The following ERBB4 variants were observed in gnomAD, a reference collection of about 807,000 sequenced individuals.
The protein encoded by ERBB4 is receptor tyrosine-protein kinase erbB-4.
ERBB4 carries 42 observed loss-of-function variants against 158.0 expected under a neutral mutation model. That is an observed-to-expected ratio of 0.27 (90% CI 0.21 to 0.34). The LOEUF is 0.34. ERBB4 is among the 10% of genes least tolerant of loss of function. ERBB4 has a pLI of 1.00. For synonymous variants in ERBB4, 583 were observed against 558.7 expected (o/e 1.04, Z -0.61); for missense variants, 1,333 against 1,624.1 (o/e 0.82, Z 3.08).
chr2:211,778,108 A>C (rs73985873), intron 4 of ERBB4, among the ~76,000 whole-genome samples: 3,978 of 152,294 alleles, frequency 0.026, 195 homozygotes, highest in African/African-American at 0.092. Flanking sequence ...GGAAAAAGGC[A>C]GGAGAAGCCA....
At chr2:212,481,182 A>G (rs189427227) in intron 1 of ERBB4, among the ~76,000 whole-genome samples, 1 of 151,988 alleles carries the variant, frequency 6.6e-6, no homozygotes, top group Non-Finnish European at 1.5e-5. Flanking sequence ...AACAAATTAT[A>G]TCATATATGT....
At chr2:211,390,804 T>C (rs1208102901) in intron 25 of ERBB4, among the ~76,000 whole-genome samples, 2 of 152,204 alleles carry the variant, frequency 1.3e-5, no homozygotes, top group Non-Finnish European at 2.9e-5. Context: ...AATAGGAGCA[T>C]CTTCATGAAT....
rs192815552 is a variant in ERBB4, at chr2:211,885,540, C to G, written c.421+61890G>C. ...GCATGATCTCGGCTCACTGCAACCT[C>G]AATCTCCTGGGTTCAAGCAATTCTC... is the stretch of plus-strand genomic sequence containing the variant. On this transcript the variant is annotated intron_variant, in intron 3 of 27. Coordinates refer to ENST00000342788, the MANE Select transcript of ERBB4 (RefSeq NM_005235.3). Among the ~76,000 whole-genome samples, 278 of 152,110 alleles carry G rather than the reference C, an allele frequency of 1.8e-3. 1 individual carries two copies. Among genetic ancestry groups the G allele is most frequent in the African/African-American group, 6.4e-3 (267 of 41,494 alleles).
intron 1 of ERBB4, among the ~76,000 whole-genome samples, chr2:212,152,150 TTATAAAACATAGTTAAGAGTTCTGGCTC>T (rs763356795): frequency 5.5e-4 from 83 of 152,288 alleles, no homozygotes; most frequent in South Asian, 1.7e-3. Flanking sequence ...TTCTCAGTTT[TTATAAAACATAGTTAAGAGTTCTGGCTC>T]TAGAATCAGA....
In ERBB4 at chr2:212,101,335, C is replaced by T. The variant is rs369063727; in HGVS notation, c.234+23417G>A. 7.1e-4 allele frequency among the ~76,000 whole-genome samples: 47 copies of T among 66,430 alleles called. No individual in the cohort carries two copies. In the East Asian group the frequency reaches 7.9e-3, roughly 11 times the overall value. 43.6% of individuals were successfully genotyped at this position (66,430 alleles called of 152,430 possible). On this transcript the variant is annotated intron_variant, in intron 2 of 27. Transcript: ENST00000342788. ...TTGCATTTGGATCAAAATACAAACA[C>T]ACACACACCCTATACATATATATAT... is the stretch of plus-strand genomic sequence containing the variant.
intron 1 of ERBB4, among the ~76,000 whole-genome samples, chr2:212,284,440 T>C (rs1372872116): frequency 6.6e-6 from 1 of 152,108 alleles, no homozygotes; most frequent in Non-Finnish European, 1.5e-5. Flanking sequence ...CCTAATTTTG[T>C]TTGAGTGAAT....
At chr2:212,175,015 A>G (rs561920345) in intron 1 of ERBB4, among the ~76,000 whole-genome samples, 53 of 152,164 alleles carry the variant, frequency 3.5e-4, no homozygotes, top group Admixed American at 1.6e-3. Context: ...TTTTGCCTAT[A>G]TGGCTTTTCC....
rs2125872793 is a variant in ERBB4 at position 211,630,526 on chromosome 2, G to A, written c.2015C>T (p.Ala672Val). 6.2e-7 allele frequency: 1 copy of A among 1,612,852 alleles called. No homozygotes were observed. The highest frequency in any genetic ancestry group is 1.1e-5 in the South Asian group (1 of 91,052). ...FILVIVGLTF[A>V]VYVRRKSIKK... ...GATGCTCTTCCTTCTAACATAAACA[G>A]CAAATGTCAGACCCACAATGACCAG... The change falls in exon 17 of 28, where the codon GCT (alanine) becomes GTT (valine). Residue 672 changes from alanine to valine, a missense_variant. Coordinates refer to ENST00000342788, the MANE Select transcript of ERBB4 (RefSeq NM_005235.3).
chr2:211,782,593 A>T (rs2106304635), intron 4 of ERBB4, among the ~76,000 whole-genome samples: 1 of 152,346 alleles, frequency 6.6e-6, no homozygotes, highest in Non-Finnish European at 1.5e-5. Context: ...GCAAATAGGA[A>T]TATACAAGAA....
intron 1 of ERBB4, among the ~76,000 whole-genome samples, chr2:212,357,009 A>G: frequency 6.6e-6 from 1 of 151,944 alleles, no homozygotes; most frequent in Non-Finnish European, 1.5e-5. Flanking sequence ...TATTTTAAAC[A>G]TGATCATTTG....
chr2:212,384,702 T>A (rs2090616096), intron 1 of ERBB4, among the ~76,000 whole-genome samples: 1 of 151,554 alleles, frequency 6.6e-6, no homozygotes, highest in African/African-American at 2.4e-5. Flanking sequence ...TGTAATGACA[T>A]AATTACAGCA....
intron 20 of ERBB4, among the ~76,000 whole-genome samples, chr2:211,443,296 T>C (rs1235376033): frequency 6.6e-6 from 1 of 152,270 alleles, no homozygotes; most frequent in South Asian, 2.1e-4. Context: ...TTTTATTACA[T>C]TGTCCCTTTG....
chr2:211,644,053 A>T (rs933831200), intron 16 of ERBB4, among the ~76,000 whole-genome samples: 1 of 152,002 alleles, frequency 6.6e-6, no homozygotes, highest in African/African-American at 2.4e-5. Context: ...TAATTTCTGG[A>T]TCCATAGTAG....
intron 1 of ERBB4, among the ~76,000 whole-genome samples, chr2:212,213,948 CAA>C (rs2083015733): frequency 6.6e-6 from 1 of 151,750 alleles, no homozygotes; most frequent in Non-Finnish European, 1.5e-5. Context: ...CTTTGTTATA[CAA>C]AGTTGATTGA....
chr2:212,314,484 A>T (rs2087186019), intron 1 of ERBB4, among the ~76,000 whole-genome samples: 1 of 151,070 alleles, frequency 6.6e-6, no homozygotes, highest in South Asian at 2.1e-4. Context: ...ATTAGAAAAA[A>T]ATTAGTTATT....
At chr2:212,463,250 T>C (rs1161668905) in intron 1 of ERBB4, among the ~76,000 whole-genome samples, 5 of 152,052 alleles carry the variant, frequency 3.3e-5, no homozygotes, top group Admixed American at 1.3e-4. Flanking sequence ...AATGAGAGGA[T>C]TTTGAATTTT....
chr2:211,435,728 C>G (rs542177697), intron 20 of ERBB4, among the ~76,000 whole-genome samples: 1 of 152,284 alleles, frequency 6.6e-6, no homozygotes, highest in East Asian at 1.9e-4. Flanking sequence ...TGAGGTAGAA[C>G]TGTTTCATCC....
intron 1 of ERBB4, among the ~76,000 whole-genome samples, chr2:212,388,986 C>T (rs555781102): frequency 3.6e-4 from 55 of 152,162 alleles, no homozygotes; most frequent in Non-Finnish European, 7.5e-4. Flanking sequence ...CAATTTGTAC[C>T]TGCTTTACAA....
chr2:212,190,409 T>C (rs914226074), intron 1 of ERBB4, among the ~76,000 whole-genome samples: 14 of 151,848 alleles, frequency 9.2e-5, no homozygotes, highest in African/African-American at 1.5e-4. Flanking sequence ...TGGTGGCAGG[T>C]GCCTGTAGTC....
Sources: gnomAD v4.1 joint callset for allele counts (sites outside exome capture counted in the v4.1 genomes callset) on GRCh38, gnomAD v4.1.1 for gene constraint, MANE v1.5 for transcripts, NCBI Gene and HGNC (gene_info 2026-07-23, HGNC 2026-07-21) for gene names.